OSBPL10: variants seen among roughly 807,000 people sequenced by gnomAD.
OSBPL10 encodes oxysterol-binding protein-related protein 10.
A neutral mutation model predicts 81.7 loss-of-function variants in OSBPL10; 49 were observed. That is an observed-to-expected ratio of 0.60 (90% confidence interval 0.48 to 0.76). The LOEUF is 0.76. Ranked by LOEUF, OSBPL10 falls within the 30% of genes least tolerant of loss-of-function variation. OSBPL10 has a pLI of 0.00. For missense variants in OSBPL10, 923 were observed against 987.8 expected (o/e 0.93, Z 0.88); for synonymous variants, 419 against 383.6 (o/e 1.09, Z -1.08).
At chr3:31,950,098 C>G (rs576138929) in intron 1 of OSBPL10, among the ~76,000 whole-genome samples, 2 of 152,064 alleles carry the variant, frequency 1.3e-5, no homozygotes, top group Non-Finnish European at 2.9e-5. Context: ...GTAAACTGAG[C>G]AGTGGGCAGC....
At chr3:31,742,879 G>A (rs1047050315) in intron 5 of OSBPL10, among the ~76,000 whole-genome samples, 3 of 151,970 alleles carry the variant, frequency 2.0e-5, no homozygotes, top group East Asian at 1.9e-4. Flanking sequence ...CCCATAGCAC[G>A]GGGAAGGCAC....
At chr3:31,797,444 T>G (rs980294130) in intron 4 of OSBPL10, among the ~76,000 whole-genome samples, 1 of 152,228 alleles carries the variant, frequency 6.6e-6, no homozygotes, top group African/African-American at 2.4e-5. Context: ...TTACAGTCAC[T>G]GATTCCAATG....
rs148462761 is a variant in OSBPL10, at chr3:31,856,571, C to T, written c.537+19862G>A. Among the ~76,000 whole-genome samples, 112 of 152,324 alleles carry T rather than the reference C, an allele frequency of 7.4e-4. No individual in the cohort carries two copies. The East Asian group carries it at 0.02, about 27-fold the overall frequency. ...CGGAATCTATTCCCCCAAAGACTTG[C>T]TACTTCGGAAAACATATTATCCTCA... On this transcript the variant is annotated intron_variant, in intron 3 of 11. Transcript: ENST00000396556.
Position 32,066,208 on chromosome 3 carries a change from G to GGAAA in OSBPL10, n.185+11187_185+11188insTTTC, listed in dbSNP as rs1699779883. On this transcript the variant is annotated intron_variant and non_coding_transcript_variant, in intron 1 of 3. Coordinates refer to the OSBPL10 transcript ENST00000479173. Reference sequence around the variant, plus strand: ...AGGAAGGAAGGAAGGAAGGAAGGAAGGAAGGAAGGACATCCCCCACCCTTG... The same window carrying GGAAA: ...AGGAAGGAAGGAAGGAAGGAAGGAAGGAAAGAAGGAAGGACATCCCCCACCCTTG... Among the ~76,000 whole-genome samples the GGAAA allele has an allele frequency of 5.3e-5, 3 of 57,080 alleles. 1 individual carries two copies. Among genetic ancestry groups the GGAAA allele is most frequent in the African/African-American group, 1.1e-4 (3 of 26,576 alleles). 37.4% of individuals were successfully genotyped at this position (57,080 alleles called of 152,430 possible).
chr3:32,027,282 TG>T (rs1699425159), intron 2 of OSBPL10, among the ~76,000 whole-genome samples: 1 of 152,154 alleles, frequency 6.6e-6, no homozygotes, highest in African/African-American at 2.4e-5. Flanking sequence ...ATGCGATGTT[TG>T]GTTTATTAAT....
chr3:31,895,155 A>C (rs1696016648), intron 1 of OSBPL10, among the ~76,000 whole-genome samples: 1 of 105,132 alleles, frequency 9.5e-6, no homozygotes, highest in Non-Finnish European at 1.8e-5. Context: ...TTTTTTTTAG[A>C]CGGAGTCTCA....
chr3:31,736,989 C>T (rs1414156351), intron 5 of OSBPL10, among the ~76,000 whole-genome samples: 1 of 152,202 alleles, frequency 6.6e-6, no homozygotes, highest in African/African-American at 2.4e-5. Context: ...AACTCTGTGT[C>T]TCCCTCCCCT....
At chr3:31,997,024 TTATAGTTACC>T (rs1699096421) in intron 2 of OSBPL10, among the ~76,000 whole-genome samples, 1 of 152,164 alleles carries the variant, frequency 6.6e-6, no homozygotes, top group South Asian at 2.1e-4. Context: ...GAGCCTTTAT[TTATAGTTACC>T]ACACGTTTCT....
intron 3 of OSBPL10, among the ~76,000 whole-genome samples, chr3:31,837,649 CAAAA>C (rs10704809): frequency 7.3e-6 from 1 of 136,456 alleles, no homozygotes; most frequent in African/African-American, 2.8e-5. Flanking sequence ...TGTTTTATTT[CAAAA>C]AAAAAAAAAA....
intron 7 of OSBPL10, among the ~76,000 whole-genome samples, chr3:31,697,498 T>A (rs1400685041): frequency 6.6e-6 from 1 of 152,228 alleles, no homozygotes; most frequent in East Asian, 1.9e-4. Flanking sequence ...GTAATTATTA[T>A]TCTAGCTGTT....
upstream of OSBPL10, chr3:31,981,365 G>A: frequency 1.9e-6 from 2 of 1,055,526 alleles, no homozygotes; most frequent in Non-Finnish European, 2.4e-6. This position sits in a 1 kb window ranked among gnomAD's most constrained non-coding sequence, Gnocchi z 4.5. Flanking sequence ...AAGCCAACGG[G>A]GCTGGATGCA....
chr3:31,944,833 TAAA>T (rs869140991), intron 1 of OSBPL10, among the ~76,000 whole-genome samples: 25 of 55,096 alleles, frequency 4.5e-4, no homozygotes, highest in African/African-American at 9.6e-4. Context: ...CCCCTCTCTT[TAAA>T]AAAAAAAAAA....
intron 2 of OSBPL10, among the ~76,000 whole-genome samples, chr3:31,993,746 T>C (rs886656354): frequency 2.0e-5 from 3 of 151,980 alleles, no homozygotes; most frequent in Non-Finnish European, 4.4e-5. Context: ...TGTGGAGTAA[T>C]TGGAACTCTT....
chr3:31,882,912 A>C (rs1450500616), intron 1 of OSBPL10, among the ~76,000 whole-genome samples: 2 of 152,212 alleles, frequency 1.3e-5, no homozygotes, highest in African/African-American at 4.8e-5. Context: ...AGATCCTTCT[A>C]CTTGAAATTT....
chr3:31,946,721 C>T (rs528017009), intron 1 of OSBPL10, among the ~76,000 whole-genome samples: 1 of 152,188 alleles, frequency 6.6e-6, no homozygotes, highest in Non-Finnish European at 1.5e-5. Context: ...GACACAAGTT[C>T]AAGGTGGAGC....
At chr3:31,783,146 T>TACATACACACAC (rs1698748758) in intron 4 of OSBPL10, among the ~76,000 whole-genome samples, 1 of 113,036 alleles carries the variant, frequency 8.8e-6, no homozygotes, top group African/African-American at 3.8e-5. Context: ...TATATATATA[T>TACATACACACAC]ACACACACAC....
chr3:31,687,228 C>G (rs1250666828), intron 7 of OSBPL10, among the ~76,000 whole-genome samples: 1 of 152,106 alleles, frequency 6.6e-6, no homozygotes, highest in African/African-American at 2.4e-5. Context: ...GGTATAACTT[C>G]AAACAAAGAT....
Position 31,683,939 on chromosome 3 carries a change from A to G in OSBPL10, c.1421T>C (p.Leu474Ser). ...TAFHEGRKGA[L>S]AKKPYNPIIG... is the part of the protein sequence containing the mutation. Reference sequence around the variant, plus strand: ...GATGGGGTTGTAGGGCTTCTTGGCTAAAGCGCCCTTGCGGCCCTCGTGAAA... The same window carrying G: ...GATGGGGTTGTAGGGCTTCTTGGCTGAAGCGCCCTTGCGGCCCTCGTGAAA... Residue 474 changes from leucine (L) to serine (S), a missense_variant, in exon 8 of 12, where the codon TTA (leucine) becomes TCA (serine). Physicochemically the swap from Leu to Ser is moderately radical, Grantham distance 145. Coordinates refer to ENST00000396556, the MANE Select transcript of OSBPL10 (RefSeq NM_017784.5). 6.2e-7 allele frequency: 1 copy of G among 1,614,238 alleles called. No individual in the cohort carries two copies. Among genetic ancestry groups the G allele is most frequent in the African/African-American group, 1.3e-5 (1 of 75,058 alleles).
At chr3:32,066,439 A>G (rs962177349) in intron 1 of OSBPL10, 1 of 152,250 alleles carries the variant, frequency 6.6e-6, no homozygotes, top group Non-Finnish European at 1.5e-5. Flanking sequence ...AATGGTCCCT[A>G]TACCGATCAC....
Sources: gnomAD v4.1 joint callset for allele counts (sites outside exome capture counted in the v4.1 genomes callset) on GRCh38, gnomAD v4.1.1 for gene constraint, Gnocchi (gnomAD v3.1) non-coding constraint, MANE v1.5 for transcripts, NCBI Gene and HGNC (gene_info 2026-07-23, HGNC 2026-07-21) for gene names.